Variants in DLGAP2 observed in about 807,000 individuals in gnomAD.
DLGAP2 encodes disks large-associated protein 2.
A neutral mutation model predicts 100.3 loss-of-function variants in DLGAP2; 26 were observed. The ratio of observed to expected loss-of-function variants is 0.26; its 90% CI spans 0.19 to 0.36. The LOEUF (loss-of-function observed/expected upper bound fraction) is 0.36. Among genes scored for constraint, DLGAP2 ranks in the 10% least tolerant of loss-of-function variants. The pLI is 1.00. For synonymous variants in DLGAP2, 886 were observed against 630.1 expected (o/e 1.41, Z -6.08); for missense variants, 1,858 against 1,453.2 (o/e 1.28, Z -4.53).
intron 8 of DLGAP2, among the ~76,000 whole-genome samples, chr8:1,663,012 G>A (rs1345782309): frequency 6.6e-6 from 1 of 150,620 alleles, no homozygotes; most frequent in Non-Finnish European, 1.5e-5. Flanking sequence ...GTGTGTGTGT[G>A]TGTATACCTG....
chr8:1,558,800 C>T (rs947568082), intron 5 of DLGAP2, among the ~76,000 whole-genome samples: 26 of 150,340 alleles, frequency 1.7e-4, no homozygotes, highest in Admixed American at 2.7e-4. Context: ...ATTACACATA[C>T]ACACATAAAC....
In DLGAP2 at chr8:1,134,683, T is replaced by A. The variant is rs1048060080; in HGVS notation, c.74-124168T>A. On this transcript the variant is annotated intron_variant, in intron 2 of 14. Coordinates refer to ENST00000637795, the MANE Select transcript of DLGAP2 (RefSeq NM_001346810.2). The stretch of plus-strand genomic sequence containing the variant: ...ATGGGTAATTTATAAAGGAAAGAGG[T>A]TTAACTGACTCACAGTTCAGCAGGG... 4.9e-4 allele frequency among the ~76,000 whole-genome samples: 75 copies of A among 152,204 alleles called. 1 individual carries two copies. Among genetic ancestry groups the A allele is most frequent in the Admixed American group, 4.6e-4 (7 of 15,284 alleles).
At chr8:1,313,236 C>G (rs1250862079) in intron 3 of DLGAP2, among the ~76,000 whole-genome samples, 1 of 152,222 alleles carries the variant, frequency 6.6e-6, no homozygotes, top group Non-Finnish European at 1.5e-5. Context: ...CAGCGTTTCT[C>G]AGTCATGAGT....
chr8:844,480 G>A (rs1797038433), intron 1 of DLGAP2, among the ~76,000 whole-genome samples: 1 of 151,960 alleles, frequency 6.6e-6, no homozygotes, highest in South Asian at 2.1e-4. Flanking sequence ...AGGAAGTACT[G>A]GTAGACTACA....
At chr8:750,026 C>A (rs1217090807) in intron 1 of DLGAP2, among the ~76,000 whole-genome samples, 1 of 152,200 alleles carries the variant, frequency 6.6e-6, no homozygotes, top group East Asian at 1.9e-4. Flanking sequence ...CGGTCAGGGC[C>A]CACTCAGAAA....
rs1417086833 is a variant in DLGAP2, at chr8:1,675,444, G to C, written c.2203-1089G>C. On this transcript the variant is annotated intron_variant, in intron 10 of 14. Transcript: ENST00000637795. ...GAACCTCAGCCTAGTGCCTGGCGCAGGGTACGCACCAAATAAGTCTTCGCT... is the reference window on the plus strand; with the variant it reads ...GAACCTCAGCCTAGTGCCTGGCGCACGGTACGCACCAAATAAGTCTTCGCT... 2.0e-5 allele frequency among the ~76,000 whole-genome samples: 3 copies of C among 152,220 alleles called. No homozygotes were observed. The East Asian group carries it at 5.8e-4, about 29-fold the overall frequency.
At chr8:999,838 C>CTT (rs1485869756) in intron 2 of DLGAP2, among the ~76,000 whole-genome samples, 15 of 152,180 alleles carry the variant, frequency 9.9e-5, no homozygotes, top group Admixed American at 9.8e-4. Flanking sequence ...TTTTTCATCT[C>CTT]TTTTATTATC....
chr8:1,197,224 G>T (rs149878560), intron 2 of DLGAP2, among the ~76,000 whole-genome samples: 1 of 152,128 alleles, frequency 6.6e-6, no homozygotes, highest in Non-Finnish European at 1.5e-5. Context: ...TCCACTTCAG[G>T]TCTCTTCTGG....
intron 2 of DLGAP2, among the ~76,000 whole-genome samples, chr8:1,232,693 C>G (rs1798562571): frequency 6.6e-6 from 1 of 152,252 alleles, no homozygotes; most frequent in Non-Finnish European, 1.5e-5. Flanking sequence ...CACCCTCCCT[C>G]TCAACACAAG....
At chr8:751,769 CTTATAGTAAGTTCATCTGACATT>C (rs1820797085) in intron 1 of DLGAP2, among the ~76,000 whole-genome samples, 1 of 151,848 alleles carries the variant, frequency 6.6e-6, no homozygotes, top group African/African-American at 2.4e-5. Context: ...ATAGTAAGTC[CTTATAGTAAGTTCATCTGACATT>C]TTATAGTAAG....
intron 1 of DLGAP2, among the ~76,000 whole-genome samples, chr8:748,283 G>A (rs1820701508): frequency 6.6e-6 from 1 of 151,060 alleles, no homozygotes. Context: ...TGGGATGGGT[G>A]GACTCTGGTG....
At chr8:1,472,124 A>C (rs955595696) in intron 3 of DLGAP2, among the ~76,000 whole-genome samples, 1 of 152,222 alleles carries the variant, frequency 6.6e-6, no homozygotes, top group Non-Finnish European at 1.5e-5. Flanking sequence ...GCCCCTCCAC[A>C]GTGAGAACGC....
intron 1 of DLGAP2, among the ~76,000 whole-genome samples, chr8:749,189 C>T (rs1358513921): frequency 6.6e-6 from 1 of 152,160 alleles, no homozygotes; most frequent in African/African-American, 2.4e-5. Flanking sequence ...TGGGGTTTGG[C>T]TATATTGCCC....
chr8:906,134 C>T (rs1210979394), intron 1 of DLGAP2, among the ~76,000 whole-genome samples: 1 of 152,218 alleles, frequency 6.6e-6, no homozygotes, highest in African/African-American at 2.4e-5. Context: ...GAGCAGCACC[C>T]AGCAGAGCAG....
rs571060310 is a variant in DLGAP2 at position 894,601 on chromosome 8, T to G, written c.19-13311T>G. Among the ~76,000 whole-genome samples, 178 of 48,448 alleles carry G rather than the reference T, an allele frequency of 3.7e-3. 1 individual carries two copies. The highest frequency in any genetic ancestry group is 5.5e-3 in the Admixed American group (17 of 3,072). 31.8% of individuals were successfully genotyped at this position (48,448 alleles called of 152,430 possible). A position where few individuals can be genotyped will look rare whatever the true frequency, so the allele number is the denominator to read the frequency against. On this transcript the variant is annotated intron_variant, in intron 1 of 14. Coordinates refer to ENST00000637795, the MANE Select transcript of DLGAP2 (RefSeq NM_001346810.2). ...GTATGGAGGCGGAGCAGGGGTGTGGTGGGGAGAGCAGAGTGACAGCTGGCA... is the reference window on the plus strand; with the variant it reads ...GTATGGAGGCGGAGCAGGGGTGTGGGGGGGAGAGCAGAGTGACAGCTGGCA...
At chr8:1,191,642 A>G (rs962929803) in intron 2 of DLGAP2, among the ~76,000 whole-genome samples, 9 of 148,900 alleles carry the variant, frequency 6.0e-5, no homozygotes, top group Non-Finnish European at 1.4e-4. Flanking sequence ...TCTCTGTTGC[A>G]ATGAGCAGAC....
intron 8 of DLGAP2, among the ~76,000 whole-genome samples, chr8:1,666,857 T>C (rs1295854005): frequency 6.6e-6 from 1 of 151,426 alleles, no homozygotes; most frequent in Non-Finnish European, 1.5e-5. Flanking sequence ...TTGGAGGAGG[T>C]GAGGGATGGG....
At chr8:1,153,125 G>C (rs766443888) in intron 2 of DLGAP2, among the ~76,000 whole-genome samples, 26 of 152,148 alleles carry the variant, frequency 1.7e-4, no homozygotes, top group Non-Finnish European at 3.2e-4. Context: ...CCCTGACTTA[G>C]TGCATTTCCA....
intron 3 of DLGAP2, among the ~76,000 whole-genome samples, chr8:1,272,892 G>C (rs1438642705): frequency 6.6e-6 from 1 of 152,168 alleles, no homozygotes; most frequent in African/African-American, 2.4e-5. Context: ...GTTTTCATCA[G>C]ATTTTCATGG....
Sources: gnomAD v4.1 joint callset for allele counts (sites outside exome capture counted in the v4.1 genomes callset) on GRCh38, gnomAD v4.1.1 for gene constraint, MANE v1.5 for transcripts, NCBI Gene and HGNC (gene_info 2026-07-23, HGNC 2026-07-21) for gene names.